The following KCNJ3 variants were observed in gnomAD, a reference collection of about 807,000 sequenced individuals.
The protein encoded by KCNJ3 is potassium inwardly rectifying channel subfamily J member 3.
Under a neutral mutation model 39.2 loss-of-function variants are expected in KCNJ3, and 4 were observed. The observed-to-expected ratio is 0.10, with a 90% confidence interval of 0.05 to 0.23. KCNJ3 has a LOEUF of 0.23. Among genes scored for constraint, KCNJ3 ranks in the 10% least tolerant of loss-of-function variants. The pLI, the probability that KCNJ3 is intolerant of heterozygous loss-of-function variation, is 1.00. For missense variants in KCNJ3, 276 were observed against 634.9 expected (o/e 0.43, Z 6.08); for synonymous variants, 230 against 237.4 (o/e 0.97, Z 0.29).
intron 2 of KCNJ3, among the ~76,000 whole-genome samples, chr2:154,719,648 G>T (rs1685234865): frequency 6.6e-6 from 1 of 152,084 alleles, no homozygotes; most frequent in Non-Finnish European, 1.5e-5. Context: ...ATTATTTACT[G>T]TTTCATGGGA....
intron 2 of KCNJ3, among the ~76,000 whole-genome samples, chr2:154,815,381 G>T (rs1687067303): frequency 6.6e-6 from 1 of 152,130 alleles, no homozygotes; most frequent in South Asian, 2.1e-4. Flanking sequence ...ATAGCAAGCA[G>T]GAACTGCATC....
chr2:154,756,126 A>G (rs1166326084), intron 2 of KCNJ3, among the ~76,000 whole-genome samples: 1 of 152,054 alleles, frequency 6.6e-6, no homozygotes, highest in Non-Finnish European at 1.5e-5. Flanking sequence ...CATACTTTTT[A>G]TTATTGATAT....
chr2:154,841,902 A>AT (rs1687583434), intron 2 of KCNJ3, among the ~76,000 whole-genome samples: 1 of 151,848 alleles, frequency 6.6e-6, no homozygotes. Context: ...GGATTCATTG[A>AT]TTTTTTTGAA....
At chr2:154,798,469 T>C (rs1686758060) in intron 2 of KCNJ3, among the ~76,000 whole-genome samples, 1 of 152,142 alleles carries the variant, frequency 6.6e-6, no homozygotes, top group Non-Finnish European at 1.5e-5. Flanking sequence ...ACAGCCAGGA[T>C]ATTTCTTAAA....
intron 2 of KCNJ3, among the ~76,000 whole-genome samples, chr2:154,795,983 T>G (rs1412125565): frequency 2.0e-5 from 3 of 152,114 alleles, no homozygotes; most frequent in Non-Finnish European, 4.4e-5. Flanking sequence ...GTTCACAGAA[T>G]CCTGGGCCAT....
intron 2 of KCNJ3, among the ~76,000 whole-genome samples, chr2:154,739,636 G>A (rs945701940): frequency 1.3e-5 from 2 of 151,990 alleles, no homozygotes; most frequent in South Asian, 4.1e-4. Flanking sequence ...GCATACATCT[G>A]AGTCTTTCAA....
chr2:154,758,730 T>C (rs1685985094), intron 2 of KCNJ3, among the ~76,000 whole-genome samples: 1 of 152,144 alleles, frequency 6.6e-6, no homozygotes, highest in Non-Finnish European at 1.5e-5. Flanking sequence ...GCAAATCAGG[T>C]GACGTGTGTT....
intron 2 of KCNJ3, among the ~76,000 whole-genome samples, chr2:154,737,868 C>T (rs1202367588): frequency 1.3e-5 from 2 of 151,852 alleles, no homozygotes; most frequent in Non-Finnish European, 2.9e-5. Flanking sequence ...ACAAATTTTC[C>T]AAATTTAATG....
intron 2 of KCNJ3, among the ~76,000 whole-genome samples, chr2:154,790,134 A>G (rs1442650719): frequency 6.6e-6 from 1 of 151,288 alleles, no homozygotes; most frequent in Non-Finnish European, 1.5e-5. Context: ...CAGAGAGAAC[A>G]TTTTTTGACA....
At position 154,699,613 on chromosome 2, in the gene KCNJ3, G is replaced by A. The variant is rs184122434; in HGVS notation, c.702+136G>A. On this transcript the variant is annotated intron_variant, in intron 1 of 2. Transcript: ENST00000295101. This position sits in a 1 kb window ranked among gnomAD's most constrained non-coding sequence, Gnocchi z 6.4. Reference sequence around the variant, plus strand: ...CAGGTAAACTTCCTTTTGGGGGGTTGGGGGTTGGAGGACTGGGCAAAGAAT... The same window carrying A: ...CAGGTAAACTTCCTTTTGGGGGGTTAGGGGTTGGAGGACTGGGCAAAGAAT... 6.6e-5 allele frequency: 87 copies of A among 1,310,566 alleles called. No individual in the cohort carries two copies. The African/African-American group carries it at 1.2e-3, about 18-fold the overall frequency. The allele number at this position is 1,310,566 out of a possible 1,614,324, so 81.2% of individuals were successfully genotyped here. A position where few individuals can be genotyped will look rare whatever the true frequency, so the allele number is the denominator to read the frequency against.
chr2:154,787,341 GC>G (rs1686549390), intron 2 of KCNJ3, among the ~76,000 whole-genome samples: 1 of 149,546 alleles, frequency 6.7e-6, no homozygotes, highest in South Asian at 2.1e-4. Flanking sequence ...TCTTTTTTGT[GC>G]CTTCTTAATA....
chr2:154,736,351 A>C (rs1685528322), intron 2 of KCNJ3, among the ~76,000 whole-genome samples: 1 of 138,836 alleles, frequency 7.2e-6, no homozygotes, highest in Non-Finnish European at 1.5e-5. Flanking sequence ...AGAGTGGAAG[A>C]GAGTGACAGG....
At chr2:154,828,844 G>C (rs1687313867) in intron 2 of KCNJ3, among the ~76,000 whole-genome samples, 1 of 152,064 alleles carries the variant, frequency 6.6e-6, no homozygotes, top group Non-Finnish European at 1.5e-5. Context: ...TATTTAGTTT[G>C]AGTTTTTCAA....
At chr2:154,809,178 C>T (rs1686966329) in intron 2 of KCNJ3, among the ~76,000 whole-genome samples, 1 of 152,108 alleles carries the variant, frequency 6.6e-6, no homozygotes, top group East Asian at 1.9e-4. Flanking sequence ...TAGCCCGGTC[C>T]AGCAATGAGC....
chr2:154,773,379 T>C (rs1686275988), intron 2 of KCNJ3, among the ~76,000 whole-genome samples: 1 of 152,136 alleles, frequency 6.6e-6, no homozygotes, highest in Non-Finnish European at 1.5e-5. Flanking sequence ...TGGGCTGTTT[T>C]GCTTAATGGG....
chr2:154,830,149 C>T (rs1687338916), intron 2 of KCNJ3, among the ~76,000 whole-genome samples: 2 of 152,110 alleles, frequency 1.3e-5, no homozygotes, highest in Non-Finnish European at 2.9e-5. Flanking sequence ...TCCTCTGTAC[C>T]TCAGTTTCCC....
intron 2 of KCNJ3, among the ~76,000 whole-genome samples, chr2:154,840,725 G>GCT (rs200454591): frequency 0.21 from 31,141 of 151,796 alleles, 3,473 homozygotes; most frequent in East Asian, 0.4. Flanking sequence ...TCATGATTTG[G>GCT]CTTTGTTGGT....
At chr2:154,736,453 C>G (rs1434080559) in intron 2 of KCNJ3, among the ~76,000 whole-genome samples, 2 of 144,344 alleles carry the variant, frequency 1.4e-5, no homozygotes, top group Non-Finnish European at 3.0e-5. Context: ...ACACTGGACT[C>G]TGCTTGTGGC....
intron 2 of KCNJ3, among the ~76,000 whole-genome samples, chr2:154,771,772 G>A (rs764890766): frequency 1.3e-5 from 2 of 152,264 alleles, no homozygotes; most frequent in South Asian, 2.1e-4. Flanking sequence ...AGACAATATC[G>A]TTGAGAGATG....
Sources: gnomAD v4.1 joint callset for allele counts (sites outside exome capture counted in the v4.1 genomes callset) on GRCh38, gnomAD v4.1.1 for gene constraint, Gnocchi (gnomAD v3.1) non-coding constraint, MANE v1.5 for transcripts, NCBI Gene and HGNC (gene_info 2026-07-23, HGNC 2026-07-21) for gene names.